Variants in PLEKHG7 observed in about 807,000 individuals in gnomAD.
The protein encoded by PLEKHG7 is pleckstrin homology and RhoGEF domain containing G7, also known as pleckstrin homology domain-containing family G member 7.
A neutral mutation model predicts 85.2 loss-of-function variants in PLEKHG7; 77 were observed. That is an observed-to-expected ratio of 0.90 (90% CI 0.75 to 1.09). The LOEUF is 1.09. PLEKHG7 is among the 50% of genes least tolerant of loss of function. The pLI is 0.00. For synonymous variants in PLEKHG7, 301 were observed against 302.4 expected (o/e 1.00, Z 0.05); for missense variants, 777 against 804.3 (o/e 0.97, Z 0.41).
intron 3 of PLEKHG7, among the ~76,000 whole-genome samples, chr12:92,711,606 G>A (rs1871368033): frequency 6.6e-6 from 1 of 152,166 alleles, no homozygotes; most frequent in African/African-American, 2.4e-5. Context: ...CCCAGTAACA[G>A]GCCAAGAGCT....
At chr12:92,740,811 TA>T in intron 7 of PLEKHG7, 41 bp from the exon 8 acceptor site, 1 of 1,410,150 alleles carries the variant, frequency 7.1e-7, no homozygotes. Context: ...GTTGCAAAAT[TA>T]AAAAACAGAA....
At chr12:92,707,562 T>C (rs926572823) in intron 2 of PLEKHG7, 88 bp from the exon 3 acceptor site, 1 of 1,553,724 alleles carries the variant, frequency 6.4e-7, no homozygotes, top group Non-Finnish European at 8.7e-7. Flanking sequence ...CTAGGAGGGC[T>C]CATTGTTTCT....
intron 9 of PLEKHG7, among the ~76,000 whole-genome samples, chr12:92,742,456 G>A (rs1157687157): frequency 6.6e-6 from 1 of 152,154 alleles, no homozygotes; most frequent in Non-Finnish European, 1.5e-5. Flanking sequence ...AATGCTTCCT[G>A]GGGATATGAT....
intron 16 of PLEKHG7, 62 bp downstream of exon 16, chr12:92,769,142 G>A: frequency 8.0e-7 from 1 of 1,244,788 alleles, no homozygotes; most frequent in Admixed American, 2.1e-5. Flanking sequence ...CCCCCCAAGT[G>A]TCTTAAGTAA....
At chr12:92,765,610 CAA>C (rs1477557890) in intron 15 of PLEKHG7, among the ~76,000 whole-genome samples, 1 of 142,686 alleles carries the variant, frequency 7.0e-6, no homozygotes, top group Admixed American at 7.1e-5. Flanking sequence ...GCCTGGGCAA[CAA>C]GAGTGAAACT....
chr12:92,762,049 G>A (rs1873050998), intron 14 of PLEKHG7, among the ~76,000 whole-genome samples: 1 of 152,112 alleles, frequency 6.6e-6, no homozygotes, highest in Non-Finnish European at 1.5e-5. Flanking sequence ...AATGCAAGTT[G>A]CATTTCTCAA....
intron 3 of PLEKHG7, among the ~76,000 whole-genome samples, chr12:92,714,387 G>A (rs937889520): frequency 3.9e-5 from 6 of 152,144 alleles, no homozygotes; most frequent in East Asian, 3.8e-4. Context: ...GCGTCCTCCC[G>A]GGCATCCTAT....
intron 6 of PLEKHG7, 96 bp downstream of exon 6, chr12:92,736,673 A>G: frequency 1.4e-6 from 1 of 712,534 alleles, no homozygotes. Flanking sequence ...CTGCCAGATT[A>G]CTGCCTTGTT....
intron 3 of PLEKHG7, among the ~76,000 whole-genome samples, chr12:92,711,179 C>T (rs900249727): frequency 2.0e-5 from 3 of 152,218 alleles, no homozygotes; most frequent in Admixed American, 1.3e-4. Context: ...TTCCTTTCAC[C>T]GTTATCCTTC....
chr12:92,749,962 T>A (rs1462914727), intron 10 of PLEKHG7, among the ~76,000 whole-genome samples: 1 of 107,552 alleles, frequency 9.3e-6, no homozygotes, highest in African/African-American at 3.5e-5. Context: ...ATTTTATATT[T>A]TATTTTATAT....
In PLEKHG7 at chr12:92,770,912, T is replaced by C. The variant is rs1227954587; in HGVS notation, c.*717T>C. On this transcript the variant is annotated 3_prime_UTR_variant, in exon 17 of 17. Coordinates refer to ENST00000344636, the MANE Select transcript of PLEKHG7 (RefSeq NM_001377329.1). Reference sequence around the variant, plus strand: ...CTGTTGTGAAGTGTACAGATTTTCATAGACATAGTAAGGTATCTGTCTCTT... The same window carrying C: ...CTGTTGTGAAGTGTACAGATTTTCACAGACATAGTAAGGTATCTGTCTCTT... The C allele has an allele frequency of 1.3e-5, 2 of 152,104 alleles. No individual in the cohort carries two copies. Among genetic ancestry groups the C allele is most frequent in the Non-Finnish European group, 2.9e-5 (2 of 67,970 alleles). The allele number at this position is 152,104 out of a possible 1,614,324, so 9.4% of individuals were successfully genotyped here.
At chr12:92,761,677 A>AGAAAGAAG (rs1395032979) in intron 13 of PLEKHG7, 75 bp from the exon 14 acceptor site, 18 of 1,359,744 alleles carry the variant, frequency 1.3e-5, no homozygotes, top group Non-Finnish European at 1.6e-5. Context: ...AAAGAAAGAA[A>AGAAAGAAG]GAAAGAAAGG....
Position 92,711,271 on chromosome 12 carries a change from A to C in PLEKHG7, c.530+3599A>C, listed in dbSNP as rs896377231. ...TGCATATTGTGCAGAATAATCTGTG[A>C]ATCAGACCCTAGTCTTCTCTTCCTC... On this transcript the variant is annotated intron_variant, in intron 3 of 16. Transcript: ENST00000344636. 2.4e-4 allele frequency among the ~76,000 whole-genome samples: 37 copies of C among 152,124 alleles called. 1 individual carries two copies. The highest frequency in any genetic ancestry group is 2.4e-3 in the Admixed American group (37 of 15,268).
intron 1 of PLEKHG7, among the ~76,000 whole-genome samples, chr12:92,705,399 G>A (rs1251712870): frequency 2.0e-5 from 3 of 152,222 alleles, no homozygotes; most frequent in South Asian, 2.1e-4. Context: ...CTACTAAAAA[G>A]TATTGCCCAT....
chr12:92,753,567 C>G (rs1460623376), intron 10 of PLEKHG7, among the ~76,000 whole-genome samples: 1 of 152,224 alleles, frequency 6.6e-6, no homozygotes, highest in African/African-American at 2.4e-5. Context: ...ATCTCTACCT[C>G]TCTCCTCTCC....
intron 10 of PLEKHG7, among the ~76,000 whole-genome samples, chr12:92,751,195 T>C (rs1872682109): frequency 6.6e-6 from 1 of 152,184 alleles, no homozygotes; most frequent in Non-Finnish European, 1.5e-5. Context: ...TGAATTCAAA[T>C]CCTACCTCTG....
intron 3 of PLEKHG7, 116 bp from the exon 4 acceptor site, chr12:92,728,877 T>A (rs1213897644): frequency 1.1e-5 from 8 of 759,168 alleles, no homozygotes; most frequent in Non-Finnish European, 1.4e-5. Context: ...ACTATAAGCA[T>A]CCCTTTCTCC....
intron 2 of PLEKHG7, chr12:92,707,423 C>T: frequency 7.0e-7 from 1 of 1,431,868 alleles, no homozygotes. Flanking sequence ...TGTCAGGTAC[C>T]CGAGAGCAAT....
rs772740082 is a variant in PLEKHG7, at chr12:92,723,686, T to C, written c.531-5307T>C. On this transcript the variant is annotated intron_variant, in intron 3 of 16. Transcript: ENST00000344636. ...AGGACTGGAGAGGTTACTCAAGTTG[T>C]TCAACCAAGGGTCACACTGCTAAGA... Among the ~76,000 whole-genome samples, 129 of 152,276 alleles carry C rather than the reference T, an allele frequency of 8.5e-4. No homozygotes were observed. In the Middle Eastern group the frequency reaches 0.014, roughly 16 times the overall value.
Sources: allele counts gnomAD v4.1 joint callset (sites outside exome capture counted in the v4.1 genomes callset), GRCh38; gene constraint gnomAD v4.1.1; transcripts MANE v1.5; gene names NCBI Gene and HGNC (gene_info 2026-07-23, HGNC 2026-07-21).